The following DCP2 variants were observed in gnomAD, a reference collection of about 807,000 sequenced individuals.
DCP2 encodes the protein m7GpppN-mRNA hydrolase.
DCP2 carries 30 observed loss-of-function variants against 56.1 expected under a neutral mutation model. The ratio of observed to expected loss-of-function variants is 0.53; its 90% CI spans 0.40 to 0.73. The LOEUF is 0.73. Among genes scored for constraint, DCP2 ranks in the 30% least tolerant of loss-of-function variants. The pLI, the probability that DCP2 is intolerant of heterozygous loss-of-function variation, is 0.00. For missense variants in DCP2, 533 were observed against 502.7 expected, an observed-to-expected ratio of 1.06 and a Z score of -0.58; for synonymous variants, 197 against 163.3, an observed-to-expected ratio of 1.21 and a Z score of -1.57.
At chr5:113,007,689 G>C (rs1038020725) in intron 8 of DCP2, among the ~76,000 whole-genome samples, 1 of 151,764 alleles carries the variant, frequency 6.6e-6, no homozygotes, top group South Asian at 2.1e-4. Context: ...GAGCCACTGC[G>C]CCCGGCCGAG....
intron 1 of DCP2, among the ~76,000 whole-genome samples, chr5:112,980,186 G>A (rs1747932799): frequency 6.6e-6 from 1 of 152,154 alleles, no homozygotes; most frequent in African/African-American, 2.4e-5. Context: ...TTAAAGAATT[G>A]AAAAGCAAGT....
At chr5:112,987,459 C>T (rs978259043) in intron 2 of DCP2, among the ~76,000 whole-genome samples, 1 of 151,796 alleles carries the variant, frequency 6.6e-6, no homozygotes, top group African/African-American at 2.4e-5. Flanking sequence ...TTCCCCCCGC[C>T]CGCCCGACAA....
Position 113,017,120 on chromosome 5 carries a change from T to G in DCP2, c.*3636T>G, listed in dbSNP as rs1332220485. On this transcript the variant is annotated 3_prime_UTR_variant, in exon 11 of 11. Coordinates refer to ENST00000389063, the MANE Select transcript of DCP2 (RefSeq NM_152624.6). ...ACCTTCCTGCTCCCTGAGACTGTTT[T>G]GATTGACATCTTTTGTGTTTCTATA... 6.6e-6 allele frequency: 1 copy of G among 152,214 alleles called. No individual in the cohort carries two copies. The highest frequency in any genetic ancestry group is 6.5e-5 in the Admixed American group (1 of 15,284). The allele number at this position is 152,214 out of a possible 1,614,324, so 9.4% of individuals were successfully genotyped here. A position where few individuals can be genotyped will look rare whatever the true frequency, so the allele number is the denominator to read the frequency against.
intron 1 of DCP2, among the ~76,000 whole-genome samples, chr5:112,978,201 T>A (rs1026984945): frequency 2.0e-5 from 3 of 152,186 alleles, no homozygotes; most frequent in African/African-American, 7.2e-5. Flanking sequence ...GGTCTCGAAC[T>A]TCTGACCTCG....
rs1273387006 is a variant in DCP2 at position 113,018,047 on chromosome 5, A to G, written c.*4563A>G. On this transcript the variant is annotated 3_prime_UTR_variant, in exon 11 of 11. Transcript: ENST00000389063. ...TGCACTGCTTTCTTACAGGAAGACA[A>G]CTCAGAACACACAGCCATAATCTGC... 1 of 152,214 alleles carries G rather than the reference A, an allele frequency of 6.6e-6. No homozygotes were observed. 9.4% of individuals were successfully genotyped at this position (152,214 alleles called of 1,614,324 possible). A position where few individuals can be genotyped will look rare whatever the true frequency, so the allele number is the denominator to read the frequency against.
chr5:112,988,028 C>G (rs1478909423), intron 2 of DCP2, among the ~76,000 whole-genome samples: 5 of 152,128 alleles, frequency 3.3e-5, no homozygotes, highest in Non-Finnish European at 7.4e-5. Flanking sequence ...CTGAAATACC[C>G]TCATTCTCAG....
chr5:113,008,177 T>G, intron 9 of DCP2, 135 bp downstream of exon 9: 1 of 693,982 alleles, frequency 1.4e-6, no homozygotes, highest in East Asian at 2.7e-5. Flanking sequence ...TTTGTGTAGC[T>G]GACTTGTGCA....
chr5:113,000,841 A>G (rs537717534), intron 4 of DCP2, among the ~76,000 whole-genome samples: 67 of 152,332 alleles, frequency 4.4e-4, no homozygotes, highest in African/African-American at 1.5e-3. Flanking sequence ...AATGTCAGCA[A>G]TCAGGTCTAC....
At chr5:112,994,279 C>G (rs1449638763) in intron 4 of DCP2, among the ~76,000 whole-genome samples, 1 of 150,222 alleles carries the variant, frequency 6.7e-6, no homozygotes, top group Admixed American at 6.7e-5. Flanking sequence ...TCAAGCAATC[C>G]TCCTGCCTCA....
intron 4 of DCP2, 119 bp from the exon 5 acceptor site, chr5:113,000,965 A>T: frequency 9.7e-7 from 1 of 1,032,990 alleles, no homozygotes; most frequent in Non-Finnish European, 1.4e-6. Context: ...TGTCATTTCT[A>T]GAAATAGTAA....
intron 4 of DCP2, among the ~76,000 whole-genome samples, chr5:112,994,004 C>G (rs963390696): frequency 6.6e-6 from 1 of 151,434 alleles, no homozygotes; most frequent in Non-Finnish European, 1.5e-5. Context: ...TCTATGTTGC[C>G]CAGGCTGGGT....
In DCP2 at chr5:113,001,782, A is replaced by G. The variant is rs935244905; in HGVS notation, c.806+108A>G. ...GAGGATGTAAGATTTCTTTTTATAG[A>G]TACTCTTTGTTACTGGTCTCACAGA... On this transcript the variant is annotated intron_variant, in intron 7 of 10. Coordinates refer to ENST00000389063, the MANE Select transcript of DCP2 (RefSeq NM_152624.6). 3.0e-6 allele frequency: 3 copies of G among 1,013,560 alleles called. No homozygotes were observed. The African/African-American group carries it at 4.9e-5, about 16-fold the overall frequency. 62.8% of individuals were successfully genotyped at this position (1,013,560 alleles called of 1,614,324 possible).
At chr5:113,007,487 A>T (rs1749494547) in intron 8 of DCP2, among the ~76,000 whole-genome samples, 1 of 149,656 alleles carries the variant, frequency 6.7e-6, no homozygotes, top group South Asian at 2.1e-4. Flanking sequence ...TGCAACCTCC[A>T]CCTCCTGGGT....
chr5:112,999,731 G>T (rs1257554553), intron 4 of DCP2, among the ~76,000 whole-genome samples: 1 of 151,090 alleles, frequency 6.6e-6, no homozygotes, highest in Non-Finnish European at 1.5e-5. Context: ...CTTTGATCAA[G>T]TGATCCTCTC....
chr5:113,013,262 A>G (rs926850117), intron 10 of DCP2, 59 bp from the exon 11 acceptor site: 4 of 1,526,326 alleles, frequency 2.6e-6, no homozygotes, highest in African/African-American at 1.4e-5. Flanking sequence ...GGCAAAGGGC[A>G]GTATTTGATT....
chr5:113,009,633 G>T (rs972374207), intron 9 of DCP2, among the ~76,000 whole-genome samples: 1 of 149,552 alleles, frequency 6.7e-6, no homozygotes, highest in African/African-American at 2.5e-5. Flanking sequence ...TGATGAAAAC[G>T]TGGAAAACAA....
chr5:112,983,616 A>G (rs1748112277), intron 1 of DCP2, among the ~76,000 whole-genome samples: 1 of 152,194 alleles, frequency 6.6e-6, no homozygotes, highest in South Asian at 2.1e-4. Context: ...ATGGAATGAC[A>G]GTGTAGTGGA....
chr5:113,019,848 A>G lies in DCP2; in HGVS notation c.*6364A>G, dbSNP rs1489303166. 6.6e-6 allele frequency: 1 copy of G among 152,206 alleles called. No individual in the cohort carries two copies. The highest frequency in any genetic ancestry group is 1.5e-5 in the Non-Finnish European group (1 of 68,036). The allele number at this position is 152,206 out of a possible 1,614,324, so 9.4% of individuals were successfully genotyped here. On this transcript the variant is annotated 3_prime_UTR_variant, in exon 11 of 11. Coordinates refer to ENST00000389063, the MANE Select transcript of DCP2 (RefSeq NM_152624.6). ...TTAAAACCATCTCATTTCAGAATAAAATAAACGGAATTACAGTTCATGCAT... is the reference window on the plus strand; with the variant it reads ...TTAAAACCATCTCATTTCAGAATAAGATAAACGGAATTACAGTTCATGCAT...
chr5:112,977,082 T>C (rs1361996211), intron 1 of DCP2, 96 bp downstream of exon 1: 1 of 920,018 alleles, frequency 1.1e-6, no homozygotes. Context: ...CCCACGTCCA[T>C]GTCCTCGCTT....
Sources: gnomAD v4.1 joint callset for allele counts (sites outside exome capture counted in the v4.1 genomes callset) on GRCh38, gnomAD v4.1.1 for gene constraint, MANE v1.5 for transcripts, NCBI Gene and HGNC (gene_info 2026-07-23, HGNC 2026-07-21) for gene names.